Variants in PTER observed in about 807,000 individuals in gnomAD.
PTER encodes phosphotriesterase related.
In PTER, 38 loss-of-function variants were observed where a neutral mutation model predicts 29.6. The observed-to-expected ratio is 1.28, with a 90% confidence interval of 0.99 to 1.68. PTER has a LOEUF of 1.68. PTER is among the 40% of genes most tolerant of loss of function. PTER has a pLI of 0.00. For missense variants in PTER, 482 were observed against 427.8 expected, an observed-to-expected ratio of 1.13 and a Z score of -1.12; for synonymous variants, 172 against 154.5, an observed-to-expected ratio of 1.11 and a Z score of -0.84.
intron 3 of PTER, among the ~76,000 whole-genome samples, chr10:16,493,121 A>C (rs1181154137): frequency 6.6e-6 from 1 of 152,206 alleles, no homozygotes; most frequent in Non-Finnish European, 1.5e-5. Flanking sequence ...CAAAGTCATT[A>C]TTTAATTATA....
At chr10:16,453,929 T>G (rs943850950) in intron 1 of PTER, among the ~76,000 whole-genome samples, 1 of 152,224 alleles carries the variant, frequency 6.6e-6, no homozygotes, top group Non-Finnish European at 1.5e-5. Flanking sequence ...TTCCACTCCC[T>G]TGTTTTATTA....
intron 1 of PTER, among the ~76,000 whole-genome samples, chr10:16,473,537 A>AAAAAACAAACAAACAAAC (rs1835139123): frequency 6.6e-6 from 1 of 150,652 alleles, no homozygotes; most frequent in African/African-American, 2.4e-5. Context: ...AAAAAAAAAA[A>AAAAAACAAACAAACAAAC]AAAAAAAAAA....
intron 4 of PTER, 81 bp downstream of exon 4, chr10:16,505,241 A>G: frequency 6.5e-7 from 1 of 1,532,124 alleles, no homozygotes; most frequent in African/African-American, 1.4e-5. Flanking sequence ...ATTAGCAAAG[A>G]TTCAGAAAAC....
At chr10:16,476,487 C>T (rs2133429363) in intron 1 of PTER, among the ~76,000 whole-genome samples, 2 of 152,312 alleles carry the variant, frequency 1.3e-5, no homozygotes, top group South Asian at 4.1e-4. Flanking sequence ...AGTGAGGAAA[C>T]TAAGTCATGA....
chr10:16,510,747 A>G (rs1436461245), intron 4 of PTER, among the ~76,000 whole-genome samples: 1 of 152,214 alleles, frequency 6.6e-6, no homozygotes, highest in Non-Finnish European at 1.5e-5. Flanking sequence ...ATGGTCATTC[A>G]TCCAAACTGG....
chr10:16,499,079 G>A (rs1023919371), intron 3 of PTER, among the ~76,000 whole-genome samples: 1 of 152,046 alleles, frequency 6.6e-6, no homozygotes, highest in Non-Finnish European at 1.5e-5. Flanking sequence ...AAGCAGTTTG[G>A]GTTTGTTTGA....
rs764029886 is a variant in PTER, at chr10:16,486,524, C to T, written c.605C>T (p.Pro202Leu). 1 of 1,614,046 alleles carries T rather than the reference C, an allele frequency of 6.2e-7. No individual in the cohort carries two copies. Among genetic ancestry groups the T allele is most frequent in the Non-Finnish European group, 8.5e-7 (1 of 1,179,966 alleles). ...AQLGCPVIIH[P>L]GRSSRAPFQI... ...CTTGGTTGTCCTGTTATTATCCATC[C>T]TGGACGGAGCTCCAGGGCACCATTT... Residue 202 changes from proline (P) to leucine (L), a missense_variant, in exon 3 of 5, where the codon CCT (proline) becomes CTT (leucine). Coordinates refer to ENST00000535784, the MANE Select transcript of PTER (RefSeq NM_001261836.2).
intron 3 of PTER, among the ~76,000 whole-genome samples, chr10:16,493,460 A>G (rs1197585688): frequency 1.3e-5 from 2 of 152,152 alleles, no homozygotes; most frequent in Non-Finnish European, 2.9e-5. Context: ...TAAAAGAGAC[A>G]GGGACTTGCT....
chr10:16,451,202 G>A (rs1834196731), intron 1 of PTER, among the ~76,000 whole-genome samples: 1 of 97,552 alleles, frequency 1.0e-5, no homozygotes, highest in Non-Finnish European at 1.9e-5. Flanking sequence ...AGCCTGCTCT[G>A]TCATCTTCTC....
intron 4 of PTER, among the ~76,000 whole-genome samples, chr10:16,506,383 A>T (rs10904757): frequency 6.6e-6 from 1 of 151,906 alleles, no homozygotes; most frequent in African/African-American, 2.4e-5. Context: ...TTAAGAGCAA[A>T]AGCAGAGACA....
intron 1 of PTER, among the ~76,000 whole-genome samples, chr10:16,471,264 T>G (rs1363071784): frequency 2.6e-5 from 4 of 152,118 alleles, no homozygotes; most frequent in Non-Finnish European, 5.9e-5. Context: ...AAATAGCTCT[T>G]GAGTTCATAA....
chr10:16,465,870 G>A (rs1345426710), intron 1 of PTER, among the ~76,000 whole-genome samples: 2 of 152,122 alleles, frequency 1.3e-5, no homozygotes, highest in Non-Finnish European at 2.9e-5. Flanking sequence ...GAGAGAGAGG[G>A]CAAGTGAGAG....
chr10:16,515,542 T>C (rs993878451), downstream of PTER, among the ~76,000 whole-genome samples: 1 of 152,176 alleles, frequency 6.6e-6, no homozygotes, highest in Non-Finnish European at 1.5e-5. Context: ...AGATTCTAAA[T>C]ATGTGGCTTG....
chr10:16,446,942 C>T (rs1480794208), intron 1 of PTER, among the ~76,000 whole-genome samples: 1 of 152,038 alleles, frequency 6.6e-6, no homozygotes, highest in Non-Finnish European at 1.5e-5. Flanking sequence ...GCGTGCGCTA[C>T]CATGCCCAGC....
At chr10:16,477,467 G>A (rs1835321796) in intron 1 of PTER, among the ~76,000 whole-genome samples, 1 of 152,098 alleles carries the variant, frequency 6.6e-6, no homozygotes, top group Admixed American at 6.6e-5. Context: ...GTGAGCTACT[G>A]TGCCCAGCCT....
At chr10:16,481,500 G>C (rs1835478868) in intron 1 of PTER, among the ~76,000 whole-genome samples, 1 of 152,198 alleles carries the variant, frequency 6.6e-6, no homozygotes, top group African/African-American at 2.4e-5. Flanking sequence ...AGACATTCCA[G>C]CTTAGAGCAA....
At chr10:16,474,589 C>CA (rs1305323497) in intron 1 of PTER, among the ~76,000 whole-genome samples, 4 of 150,268 alleles carry the variant, frequency 2.7e-5, no homozygotes, top group East Asian at 2.0e-4. Context: ...GGTGGCTTAC[C>CA]AAAAAAAAAG....
downstream of PTER, chr10:16,514,376 A>T (rs978021838): frequency 1.7e-5 from 11 of 636,532 alleles, no homozygotes; most frequent in Non-Finnish European, 2.5e-5. Flanking sequence ...TTTCTGAGTG[A>T]TACAGATGTG....
chr10:16,515,000 C>T (rs139836285), downstream of PTER, among the ~76,000 whole-genome samples: 571 of 152,216 alleles, frequency 3.8e-3, 5 homozygotes, highest in African/African-American at 0.013. Flanking sequence ...CTGTATCACT[C>T]GTTTTTCTAA....
Sources: allele counts gnomAD v4.1 joint callset (sites outside exome capture counted in the v4.1 genomes callset), GRCh38; gene constraint gnomAD v4.1.1; transcripts MANE v1.5; gene names NCBI Gene and HGNC (gene_info 2026-07-23, HGNC 2026-07-21).